NCOA2: variants seen among roughly 807,000 people sequenced by gnomAD.
The protein encoded by NCOA2 is nuclear receptor coactivator 2, also known as class E basic helix-loop-helix protein 75.
In NCOA2, 21 loss-of-function variants were observed where a neutral mutation model predicts 145.1. The observed-to-expected ratio is 0.14, with a 90% CI of 0.10 to 0.21. The LOEUF (loss-of-function observed/expected upper bound fraction) is 0.21. Ranked by LOEUF, NCOA2 falls within the 10% of genes least tolerant of loss-of-function variation. NCOA2 has a pLI of 1.00. For synonymous variants in NCOA2, 619 were observed against 637.5 expected (o/e 0.97, Z 0.44); for missense variants, 1,472 against 1,837.6 (o/e 0.80, Z 3.64).
intron 2 of NCOA2, among the ~76,000 whole-genome samples, chr8:70,245,932 A>G (rs1760938145): frequency 6.6e-6 from 1 of 152,146 alleles, no homozygotes; most frequent in Non-Finnish European, 1.5e-5. Flanking sequence ...GTATTAGTAA[A>G]ACACATGTAA....
intron 4 of NCOA2, among the ~76,000 whole-genome samples, chr8:70,178,017 A>G (rs1418768008): frequency 6.6e-6 from 1 of 152,322 alleles, no homozygotes; most frequent in Admixed American, 6.5e-5. Flanking sequence ...TGAGATGTTT[A>G]TATTATCAGG....
chr8:70,456,161 T>A, the NCOA2 span, among the ~76,000 whole-genome samples: 5 of 151,860 alleles, frequency 3.3e-5, no homozygotes, highest in African/African-American at 1.2e-4. Flanking sequence ...GCATTTAACC[T>A]CTGTGGGCCT....
At chr8:70,155,012 AAAC>A (rs1812129704) in intron 11 of NCOA2, among the ~76,000 whole-genome samples, 1 of 152,250 alleles carries the variant, frequency 6.6e-6, no homozygotes, top group African/African-American at 2.4e-5. Flanking sequence ...ATGGATTTCA[AAAC>A]AACATGTTGT....
chr8:70,386,520 T>C (rs1812677976), intron 1 of NCOA2, among the ~76,000 whole-genome samples: 2 of 152,072 alleles, frequency 1.3e-5, no homozygotes, highest in South Asian at 2.1e-4. Context: ...AAATAAACAG[T>C]CCAAAAAATA....
chr8:70,450,753 T>C, the NCOA2 span, among the ~76,000 whole-genome samples: 3 of 151,236 alleles, frequency 2.0e-5, no homozygotes, highest in Non-Finnish European at 4.4e-5. Context: ...GTACTTTTTG[T>C]ATTTTTAGTA....
At chr8:70,231,017 G>A (rs888385375) in intron 2 of NCOA2, among the ~76,000 whole-genome samples, 1 of 152,082 alleles carries the variant, frequency 6.6e-6, no homozygotes, top group East Asian at 1.9e-4. Context: ...AAGTAACACT[G>A]ATTAATATCT....
At chr8:70,398,177 G>A (rs1472188836) in intron 1 of NCOA2, among the ~76,000 whole-genome samples, 1 of 152,196 alleles carries the variant, frequency 6.6e-6, no homozygotes, top group Non-Finnish European at 1.5e-5. Flanking sequence ...CAAAATGATG[G>A]CCAGGTACGG....
At chr8:70,360,599 C>A (rs1452956632) in intron 1 of NCOA2, among the ~76,000 whole-genome samples, 1 of 152,076 alleles carries the variant, frequency 6.6e-6, no homozygotes, top group East Asian at 1.9e-4. Context: ...CAAAACCATT[C>A]ATTTCCACAT....
chr8:70,139,082 A>G (rs938418349), intron 14 of NCOA2, among the ~76,000 whole-genome samples: 1 of 152,262 alleles, frequency 6.6e-6, no homozygotes, highest in Non-Finnish European at 1.5e-5. Context: ...GAAAGAGCAG[A>G]GCAGAAAGGA....
chr8:70,365,444 C>T (rs532012558), intron 1 of NCOA2, among the ~76,000 whole-genome samples: 1 of 152,306 alleles, frequency 6.6e-6, no homozygotes, highest in East Asian at 1.9e-4. Flanking sequence ...AACAAGGAAT[C>T]TACATATAGC....
At chr8:70,445,673 G>T in the NCOA2 span, among the ~76,000 whole-genome samples, 1 of 152,306 alleles carries the variant, frequency 6.6e-6, no homozygotes, top group East Asian at 1.9e-4. Context: ...ATGTTTTGTT[G>T]ATGGGAGGAT....
At chr8:70,186,927 T>A (rs1816138725) in intron 4 of NCOA2, among the ~76,000 whole-genome samples, 7 of 152,258 alleles carry the variant, frequency 4.6e-5, no homozygotes, top group Admixed American at 3.9e-4. Context: ...CAATAATTAC[T>A]GCATTTCATA....
chr8:70,309,934 C>G (rs1255671403), intron 1 of NCOA2, among the ~76,000 whole-genome samples: 1 of 151,836 alleles, frequency 6.6e-6, no homozygotes, highest in Admixed American at 6.6e-5. Flanking sequence ...AGCATGGAGA[C>G]AGAGCAAGAC....
chr8:70,238,052 CAT>C (rs1821791117), intron 2 of NCOA2, among the ~76,000 whole-genome samples: 1 of 152,030 alleles, frequency 6.6e-6, no homozygotes, highest in African/African-American at 2.4e-5. Flanking sequence ...CAAAATTAAA[CAT>C]ATGTGATTAA....
intron 4 of NCOA2, among the ~76,000 whole-genome samples, chr8:70,208,452 T>C (rs767528526): frequency 2.0e-5 from 3 of 152,246 alleles, no homozygotes; most frequent in Non-Finnish European, 4.4e-5. Context: ...AGATCATTAA[T>C]GAAGGTGGTT....
rs776656172 is a variant in NCOA2 at position 70,216,755 on chromosome 8, A to T, written c.-10T>A. 9 of 1,593,664 alleles carry T rather than the reference A, an allele frequency of 5.6e-6. No homozygotes were observed. Among genetic ancestry groups the T allele is most frequent in the Non-Finnish European group, 8.6e-7 (1 of 1,161,580 alleles). ...CTCCCATCCCACTCATCTTGAACAC[A>T]TATCAGCAACTAAAACAGAAAACAG... On this transcript the variant is annotated 5_prime_UTR_variant, in exon 3 of 23. An upstream start codon of the reference 5' UTR is lost. Coordinates refer to ENST00000452400, the MANE Select transcript of NCOA2 (RefSeq NM_006540.4).
chr8:70,290,098 A>G (rs1348436992), intron 2 of NCOA2, among the ~76,000 whole-genome samples: 1 of 151,878 alleles, frequency 6.6e-6, no homozygotes, highest in Non-Finnish European at 1.5e-5. Context: ...TGCTACCCCT[A>G]CGTATACTTC....
intron 1 of NCOA2, among the ~76,000 whole-genome samples, chr8:70,366,365 G>A (rs905168702): frequency 7.9e-5 from 12 of 152,112 alleles, no homozygotes; most frequent in Non-Finnish European, 4.4e-5. Flanking sequence ...AGCAGGCTCT[G>A]TACAGTATCT....
intron 9 of NCOA2, among the ~76,000 whole-genome samples, chr8:70,160,467 A>G (rs1201323051): frequency 6.6e-6 from 1 of 152,220 alleles, no homozygotes; most frequent in East Asian, 1.9e-4. Context: ...ACTGTCTTAT[A>G]TCACCTATTA....
Sources: allele counts gnomAD v4.1 joint callset (sites outside exome capture counted in the v4.1 genomes callset), GRCh38; gene constraint gnomAD v4.1.1; transcripts MANE v1.5; gene names NCBI Gene and HGNC (gene_info 2026-07-23, HGNC 2026-07-21).